The following CACNA1I variants were observed in gnomAD, a reference collection of about 807,000 sequenced individuals.
CACNA1I encodes the protein calcium voltage-gated channel subunit alpha1 I.
In CACNA1I, 74 loss-of-function variants were observed where a neutral mutation model predicts 201.6. The observed-to-expected ratio is 0.37, with a 90% CI of 0.30 to 0.45. The LOEUF (loss-of-function observed/expected upper bound fraction) is 0.45, where lower values mean the gene tolerates loss of function less well. CACNA1I is among the 20% of genes least tolerant of loss of function. The probability of loss-of-function intolerance (pLI) is 1.00; values close to 1 mark genes in which losing one functional copy is unlikely to be tolerated. For missense variants in CACNA1I, 2,346 were observed against 3,138.1 expected, an observed-to-expected ratio of 0.75 and a Z score of 6.03; for synonymous variants, 1,431 against 1,345.2, an observed-to-expected ratio of 1.06 and a Z score of -1.40.
In CACNA1I at chr22:39,672,295, T is replaced by C; in HGVS notation, c.4636T>C (p.Phe1546Leu). Residue 1546 changes from phenylalanine to leucine, a missense_variant, in exon 27 of 37, where the codon TTC becomes CTC. Phe to Leu is a conservative substitution (Grantham distance 22). Transcript: ENST00000402142. ...LKLVAFGLRR[F>L]FKDRWNQLDL... The stretch of plus-strand genomic sequence containing the variant: ...GCTGGTGGCATTTGGTCTGAGGCGC[T>C]TCTTCAAGGACCGGTGAGTGGCCAG... 1 of 1,611,696 alleles carries C rather than the reference T, an allele frequency of 6.2e-7. No homozygotes were observed. The highest frequency in any genetic ancestry group is 8.5e-7 in the Non-Finnish European group (1 of 1,178,210).
chr22:39,582,133 C>T (rs773372945), intron 1 of CACNA1I, among the ~76,000 whole-genome samples: 1 of 152,122 alleles, frequency 6.6e-6, no homozygotes, highest in Non-Finnish European at 1.5e-5. Flanking sequence ...GGGGGAGGCT[C>T]CCAGCCCCAC....
chr22:39,651,945 C>A (rs1478311569), intron 10 of CACNA1I, among the ~76,000 whole-genome samples: 1 of 152,166 alleles, frequency 6.6e-6, no homozygotes, highest in African/African-American at 2.4e-5. Context: ...TCAGGCCAGG[C>A]CACGGTCCCT....
At chr22:39,606,948 C>T (rs73885283) in intron 3 of CACNA1I, among the ~76,000 whole-genome samples, 2,133 of 152,338 alleles carry the variant, frequency 0.014, 49 homozygotes, top group African/African-American at 0.049. Flanking sequence ...ATCTGTGTAT[C>T]TCCCTTGGTG....
intron 1 of CACNA1I, among the ~76,000 whole-genome samples, chr22:39,583,953 G>A (rs1486356451): frequency 1.3e-5 from 2 of 152,260 alleles, no homozygotes; most frequent in Non-Finnish European, 2.9e-5. Context: ...AAGGTTGGAG[G>A]TAGAGGTTGT....
chr22:39,623,393 T>C (rs1222844558), intron 4 of CACNA1I, among the ~76,000 whole-genome samples: 1 of 151,964 alleles, frequency 6.6e-6, no homozygotes, highest in Non-Finnish European at 1.5e-5. Context: ...TGTGAAAGCC[T>C]GCACACGTGA....
intron 3 of CACNA1I, among the ~76,000 whole-genome samples, chr22:39,604,912 C>G (rs1260473971): frequency 6.6e-6 from 1 of 152,078 alleles, no homozygotes; most frequent in African/African-American, 2.4e-5. Flanking sequence ...CTCTCACTGC[C>G]CAGCTATGTG....
At chr22:39,639,293 G>A (rs1934296379) in intron 5 of CACNA1I, among the ~76,000 whole-genome samples, 1 of 152,072 alleles carries the variant, frequency 6.6e-6, no homozygotes, top group Admixed American at 6.6e-5. Flanking sequence ...CCAATTTGTT[G>A]CTTGTCTTTT....
intron 4 of CACNA1I, among the ~76,000 whole-genome samples, chr22:39,625,659 C>T (rs1439196188): frequency 6.6e-6 from 1 of 152,132 alleles, no homozygotes; most frequent in Non-Finnish European, 1.5e-5. Context: ...GCCACTCAGC[C>T]TCTGATGGAT....
At chr22:39,591,248 A>T (rs1601799675) in intron 1 of CACNA1I, among the ~76,000 whole-genome samples, 1 of 139,474 alleles carries the variant, frequency 7.2e-6, no homozygotes, top group Non-Finnish European at 1.5e-5. Flanking sequence ...CAACCTCCTC[A>T]CCTCCCGGGT....
At chr22:39,608,644 G>C (rs1933291858) in intron 3 of CACNA1I, among the ~76,000 whole-genome samples, 1 of 149,444 alleles carries the variant, frequency 6.7e-6, no homozygotes, top group Non-Finnish European at 1.5e-5. Context: ...GTTGAGACCA[G>C]CCTGGGCAAC....
chr22:39,603,303 C>T (rs1317032448), intron 3 of CACNA1I, among the ~76,000 whole-genome samples: 2 of 152,108 alleles, frequency 1.3e-5, no homozygotes, highest in Non-Finnish European at 2.9e-5. Context: ...CATGCCTTTC[C>T]CCTTTTCTTT....
At chr22:39,605,031 C>T (rs1933172536) in intron 3 of CACNA1I, among the ~76,000 whole-genome samples, 2 of 151,984 alleles carry the variant, frequency 1.3e-5, no homozygotes, top group African/African-American at 4.8e-5. Flanking sequence ...GAGTCACAAC[C>T]CTGGCTCCAG....
intron 1 of CACNA1I, among the ~76,000 whole-genome samples, chr22:39,585,643 C>T (rs1345984039): frequency 1.3e-5 from 2 of 148,988 alleles, no homozygotes; most frequent in Non-Finnish European, 3.0e-5. Context: ...CCACCTCGGC[C>T]TCCCAAAGTG....
At chr22:39,631,484 C>T (rs775960152) in intron 4 of CACNA1I, among the ~76,000 whole-genome samples, 21 of 152,164 alleles carry the variant, frequency 1.4e-4, no homozygotes, top group African/African-American at 4.1e-4. Flanking sequence ...AGTGACTGAG[C>T]GCCTTGGGGC....
chr22:39,676,863 T>C lies in CACNA1I; in HGVS notation c.4855-478T>C, dbSNP rs956627117. 6.6e-6 allele frequency among the ~76,000 whole-genome samples: 1 copy of C among 152,202 alleles called. No individual in the cohort carries two copies. Among genetic ancestry groups the C allele is most frequent in the Non-Finnish European group, 1.5e-5 (1 of 68,034 alleles). On this transcript the variant is annotated intron_variant, in intron 29 of 36. Transcript: ENST00000402142. This position sits in a 1 kb window ranked among gnomAD's most constrained non-coding sequence, Gnocchi z 4.8. ...CTGCCTTCTCCCTTCCCTTCGTTCA[T>C]CCATCCATTCAACCTTGGTAGCCAC...
intron 10 of CACNA1I, among the ~76,000 whole-genome samples, chr22:39,654,568 C>T (rs954983268): frequency 1.3e-5 from 2 of 152,174 alleles, no homozygotes; most frequent in African/African-American, 4.8e-5. Context: ...CAGCCCCTTA[C>T]GTGTCAAGTC....
Position 39,679,670 on chromosome 22 carries a change from C to A in CACNA1I, c.5395-52C>A, listed in dbSNP as rs1047980608. ...CTGTGTCCTGCCCACCCCACAGCCC[C>A]GGGACCCGGCTGATAATCCCGCCTG... On this transcript the variant is annotated intron_variant, in intron 32 of 36. Transcript: ENST00000402142. The A allele has an allele frequency of 2.0e-6, 3 of 1,531,538 alleles. No homozygotes were observed. The African/African-American group carries it at 4.1e-5, about 21-fold the overall frequency. 94.9% of individuals were successfully genotyped at this position (1,531,538 alleles called of 1,614,324 possible).
At chr22:39,678,436 C>T (rs540823852) in intron 31 of CACNA1I, among the ~76,000 whole-genome samples, 4 of 152,344 alleles carry the variant, frequency 2.6e-5, no homozygotes, top group South Asian at 2.1e-4. Context: ...GTGATTTCCA[C>T]GCTGACCAGG....
At chr22:39,678,657 G>A (rs2294368) in intron 31 of CACNA1I, among the ~76,000 whole-genome samples, 28,090 of 152,218 alleles carry the variant, frequency 0.18, 4,088 homozygotes, top group East Asian at 0.79. Context: ...TGGGAGAGGC[G>A]GCCAATCTCC....
Sources: allele counts gnomAD v4.1 joint callset (sites outside exome capture counted in the v4.1 genomes callset), GRCh38; gene constraint gnomAD v4.1.1; non-coding constraint Gnocchi (gnomAD v3.1); transcripts MANE v1.5; gene names NCBI Gene and HGNC (gene_info 2026-07-23, HGNC 2026-07-21).